Variants in TMEM132B observed in about 807,000 individuals in gnomAD.
TMEM132B encodes transmembrane protein 132B.
Under a neutral mutation model 90.8 loss-of-function variants are expected in TMEM132B, and 18 were observed. The ratio of observed to expected loss-of-function variants is 0.20; its 90% CI spans 0.14 to 0.29. The LOEUF is 0.29. TMEM132B is among the 10% of genes least tolerant of loss of function. The pLI, the probability that TMEM132B is intolerant of heterozygous loss-of-function variation, is 1.00. For synonymous variants in TMEM132B, 504 were observed against 523.3 expected, an observed-to-expected ratio of 0.96 and a Z score of 0.50; for missense variants, 1,096 against 1,326.8, an observed-to-expected ratio of 0.83 and a Z score of 2.70.
chr12:125,647,238 A>C (rs1025292294), intron 6 of TMEM132B, among the ~76,000 whole-genome samples: 76 of 152,218 alleles, frequency 5.0e-4, no homozygotes, highest in African/African-American at 1.7e-3. Flanking sequence ...AAGATCTAGG[A>C]TTCCCGTAAT....
intron 1 of TMEM132B, among the ~76,000 whole-genome samples, chr12:125,321,203 A>G (rs1176483444): frequency 1.1e-4 from 17 of 152,234 alleles, no homozygotes; most frequent in Admixed American, 1.1e-3. Flanking sequence ...GAGAAACCGG[A>G]GGTCCTAACT....
At chr12:125,296,961 G>C (rs1875686487) in intron 1 of TMEM132B, among the ~76,000 whole-genome samples, 1 of 152,244 alleles carries the variant, frequency 6.6e-6, no homozygotes, top group African/African-American at 2.4e-5. Flanking sequence ...ATGCATGCTT[G>C]TCCCTAACAG....
At chr12:125,236,297 C>T (rs1192306794) in intron 1 of TMEM132B, among the ~76,000 whole-genome samples, 1 of 151,874 alleles carries the variant, frequency 6.6e-6, no homozygotes, top group African/African-American at 2.4e-5. Flanking sequence ...AGGTGCATAC[C>T]ACCACGCCCA....
chr12:125,394,587 C>T (rs904464212), intron 2 of TMEM132B, among the ~76,000 whole-genome samples: 2 of 152,112 alleles, frequency 1.3e-5, no homozygotes, highest in Non-Finnish European at 2.9e-5. Context: ...TCATTAGTTT[C>T]CTTTTTATTT....
At chr12:125,274,177 C>G (rs1251916159) in intron 1 of TMEM132B, among the ~76,000 whole-genome samples, 7 of 152,172 alleles carry the variant, frequency 4.6e-5, no homozygotes, top group Non-Finnish European at 1.0e-4. Context: ...TTTCACTAAA[C>G]ATTGCATTTG....
In TMEM132B at chr12:125,391,042, TGTGTG is replaced by T. The variant is rs1878998988; in HGVS notation, c.960-24488_960-24484del. On this transcript the variant is annotated intron_variant, in intron 2 of 8. Coordinates refer to ENST00000682704, the MANE Select transcript of TMEM132B (RefSeq NM_001366854.1). ...TTAAAACAGATTTACTAAAGAATAG[TGTGTG>T]TGTGTGTGTGTGTGTGTGTGTGTGT... Among the ~76,000 whole-genome samples, 3 of 5,576 alleles carry T rather than the reference TGTGTG, an allele frequency of 5.4e-4. No homozygotes were observed. In the East Asian group the frequency reaches 0.11, roughly 199 times the overall value. The allele number at this position is 5,576 out of a possible 152,430, so 3.7% of individuals were successfully genotyped here.
intron 1 of TMEM132B, among the ~76,000 whole-genome samples, chr12:125,285,815 G>C (rs7302594): frequency 0.14 from 20,801 of 152,238 alleles, 1,595 homozygotes; most frequent in African/African-American, 0.2. Flanking sequence ...GGGGCAAAGC[G>C]TTTCCCAGCA....
chr12:125,356,697 A>G (rs1877784050), intron 2 of TMEM132B, among the ~76,000 whole-genome samples: 1 of 152,182 alleles, frequency 6.6e-6, no homozygotes, highest in Non-Finnish European at 1.5e-5. Flanking sequence ...TCAGGCCGCC[A>G]TGTTGCCTAC....
intron 4 of TMEM132B, among the ~76,000 whole-genome samples, chr12:125,580,001 A>G (rs976181588): frequency 6.6e-6 from 1 of 152,164 alleles, no homozygotes; most frequent in African/African-American, 2.4e-5. Flanking sequence ...TAAAGTCTAT[A>G]AAGTCTCTGC....
chr12:125,372,514 G>C (rs1878328222), intron 2 of TMEM132B, among the ~76,000 whole-genome samples: 1 of 152,108 alleles, frequency 6.6e-6, no homozygotes, highest in Non-Finnish European at 1.5e-5. Context: ...GGAGCTTTTT[G>C]CCTGCCCCTG....
intron 2 of TMEM132B, among the ~76,000 whole-genome samples, chr12:125,357,168 T>G (rs1443507018): frequency 1.3e-5 from 2 of 152,202 alleles, no homozygotes; most frequent in African/African-American, 2.4e-5. Flanking sequence ...TCGTCAAGAT[T>G]GTATGAATTC....
chr12:125,486,440 G>C (rs1007088427), intron 3 of TMEM132B, among the ~76,000 whole-genome samples: 1 of 152,180 alleles, frequency 6.6e-6, no homozygotes, highest in Non-Finnish European at 1.5e-5. Flanking sequence ...AGTCAGGATA[G>C]TTTGACCAAG....
At chr12:125,350,477 A>G in intron 2 of TMEM132B, 134 bp downstream of exon 2, 1 of 1,078,394 alleles carries the variant, frequency 9.3e-7, no homozygotes, top group Non-Finnish European at 1.3e-6. Context: ...TAAAGTGGTG[A>G]AAACAGATTT....
At chr12:125,622,740 G>A in intron 5 of TMEM132B, 1 of 829,518 alleles carries the variant, frequency 1.2e-6, no homozygotes, top group Non-Finnish European at 1.5e-6. Context: ...TCATTCTGGA[G>A]CAAGTGGTGG....
intron 1 of TMEM132B, among the ~76,000 whole-genome samples, chr12:125,208,595 T>C (rs976098491): frequency 5.3e-5 from 8 of 152,216 alleles, no homozygotes; most frequent in African/African-American, 1.9e-4. Flanking sequence ...ATTTCGAGGT[T>C]TATCTCTGCT....
chr12:125,454,889 T>C (rs1481795985), intron 3 of TMEM132B, among the ~76,000 whole-genome samples: 1 of 152,258 alleles, frequency 6.6e-6, no homozygotes, highest in East Asian at 1.9e-4. Context: ...TTTTGGTCCC[T>C]GAGAAGCTAA....
chr12:125,549,375 A>G (rs1440851117), intron 4 of TMEM132B, among the ~76,000 whole-genome samples: 1 of 152,210 alleles, frequency 6.6e-6, no homozygotes, highest in Non-Finnish European at 1.5e-5. Flanking sequence ...GTGTGAGCTA[A>G]GGGGATCTTT....
intron 1 of TMEM132B, among the ~76,000 whole-genome samples, chr12:125,248,545 G>A (rs898045951): frequency 6.6e-6 from 1 of 152,210 alleles, no homozygotes; most frequent in Non-Finnish European, 1.5e-5. Flanking sequence ...CGCTAGATGT[G>A]TAGAAAACCA....
At chr12:125,224,298 C>G (rs1453564765) in intron 1 of TMEM132B, among the ~76,000 whole-genome samples, 1 of 152,166 alleles carries the variant, frequency 6.6e-6, no homozygotes, top group East Asian at 1.9e-4. Context: ...ACTCCTGTTT[C>G]CATTTCTCTT....
Sources: allele counts gnomAD v4.1 joint callset (sites outside exome capture counted in the v4.1 genomes callset), GRCh38; gene constraint gnomAD v4.1.1; transcripts MANE v1.5; gene names NCBI Gene and HGNC (gene_info 2026-07-23, HGNC 2026-07-21).